The following TRPV3 variants were observed in gnomAD, a reference collection of about 807,000 sequenced individuals.
TRPV3 encodes transient receptor potential cation channel subfamily V member 3, also known as VRL-3.
Under a neutral mutation model 87.1 loss-of-function variants are expected in TRPV3, and 88 were observed. The ratio of observed to expected loss-of-function variants is 1.01; its 90% CI spans 0.85 to 1.21. The LOEUF (loss-of-function observed/expected upper bound fraction) is 1.21, where lower values mean the gene tolerates loss of function less well. Ranked by LOEUF, TRPV3 falls within the 50% of genes most tolerant of loss-of-function variation. The pLI is 0.00. For missense variants in TRPV3, 1,054 were observed against 1,030.1 expected, an observed-to-expected ratio of 1.02 and a Z score of -0.32; for synonymous variants, 438 against 423.3, an observed-to-expected ratio of 1.03 and a Z score of -0.43.
chr17:3,543,332 G>A (rs531337833), intron 5 of TRPV3, 142 bp downstream of exon 5: 9 of 1,082,180 alleles, frequency 8.3e-6, no homozygotes, highest in African/African-American at 1.6e-5. Context: ...CATTCTCCTC[G>A]GAGTCAAGTT....
At chr17:3,536,782 T>C (rs2074413003) in intron 6 of TRPV3, among the ~76,000 whole-genome samples, 1 of 151,930 alleles carries the variant, frequency 6.6e-6, no homozygotes, top group Admixed American at 6.6e-5. Flanking sequence ...GATACGCTGG[T>C]GACACAGCAA....
At chr17:3,537,966 A>C (rs1311184450) in intron 6 of TRPV3, among the ~76,000 whole-genome samples, 2 of 150,134 alleles carry the variant, frequency 1.3e-5, no homozygotes, top group African/African-American at 2.4e-5. Context: ...TGGGAGGCTG[A>C]GGCGGGCAGA....
intron 5 of TRPV3, 114 bp from the exon 6 acceptor site, chr17:3,542,812 C>G (rs1277626535): frequency 9.0e-7 from 1 of 1,110,978 alleles, no homozygotes; most frequent in Non-Finnish European, 1.3e-6. Flanking sequence ...CTCCACATCT[C>G]CACTCCCAGA....
At chr17:3,522,888 G>A (rs2074261063) in intron 13 of TRPV3, among the ~76,000 whole-genome samples, 4 of 151,084 alleles carry the variant, frequency 2.6e-5, no homozygotes, top group Admixed American at 1.3e-4. Flanking sequence ...ACAATAAACT[G>A]TATTGTATAG....
chr17:3,550,040 CG>C (rs1404622326), intron 2 of TRPV3, among the ~76,000 whole-genome samples: 2 of 142,558 alleles, frequency 1.4e-5, no homozygotes, highest in African/African-American at 5.3e-5. Flanking sequence ...GAATAGATGA[CG>C]GATGGGTGAA....
In TRPV3 at chr17:3,528,353, G is replaced by C. The variant is rs974828315; in HGVS notation, c.1402-227C>G. On this transcript the variant is annotated intron_variant, in intron 10 of 17. Transcript: ENST00000576742. This position sits in a 1 kb window ranked among gnomAD's most constrained non-coding sequence, Gnocchi z 4.2. ...TACAACGAAGAATATCATCCAATCC[G>C]TGCTAACAACCCTCACACTCCATTG... Among the ~76,000 whole-genome samples, 1 of 152,088 alleles carries C rather than the reference G, an allele frequency of 6.6e-6. No homozygotes were observed. The highest frequency in any genetic ancestry group is 1.5e-5 in the Non-Finnish European group (1 of 68,026).
In TRPV3 at chr17:3,530,195, CT is replaced by C. The variant is rs779840812; in HGVS notation, c.1073del (p.Lys358SerfsTer63). 6.2e-7 allele frequency: 1 copy of C among 1,611,566 alleles called. No homozygotes were observed. Among genetic ancestry groups the C allele is most frequent in the Non-Finnish European group, 8.5e-7 (1 of 1,178,500 alleles). ...CCTTGATCTCACGACTGAGGATGTA[CT>C]TCAGGATCTGGGACAGGAGGAGGAA... The part of the protein sequence containing the change: ...AAKMGKAEIL[K>X]YILSREIKEK... On this transcript the variant is annotated frameshift_variant, in exon 9 of 18. Transcript: ENST00000576742. LOFTEE classifies it high-confidence loss of function. This position sits in a 1 kb window ranked among gnomAD's most constrained non-coding sequence, Gnocchi z 4.0.
At chr17:3,534,070 G>C (rs971294013) in intron 7 of TRPV3, among the ~76,000 whole-genome samples, 1 of 152,100 alleles carries the variant, frequency 6.6e-6, no homozygotes, top group Non-Finnish European at 1.5e-5. Flanking sequence ...CCGGACACCA[G>C]GTCTTCAGCT....
chr17:3,526,758 C>T (rs2074303616), intron 12 of TRPV3, 96 bp downstream of exon 12: 1 of 968,714 alleles, frequency 1.0e-6, no homozygotes, highest in Non-Finnish European at 1.6e-6. Flanking sequence ...CACCGTGGCA[C>T]AGTAGGATAT....
chr17:3,541,882 T>C (rs2074465147), intron 6 of TRPV3, among the ~76,000 whole-genome samples: 2 of 152,268 alleles, frequency 1.3e-5, no homozygotes, highest in Non-Finnish European at 2.9e-5. Context: ...TTTATTTTCG[T>C]AATATTTTAA....
intron 12 of TRPV3, 122 bp from the exon 13 acceptor site, chr17:3,524,485 G>A: frequency 7.9e-7 from 1 of 1,268,562 alleles, no homozygotes; most frequent in South Asian, 1.5e-5. Flanking sequence ...GGATGCTGAA[G>A]AGACCAGAAT....
intron 7 of TRPV3, 30 bp from the exon 8 acceptor site, chr17:3,532,967 C>A (rs2074362879): frequency 1.2e-6 from 2 of 1,608,048 alleles, no homozygotes; most frequent in Non-Finnish European, 1.7e-6. Context: ...AAGCTTGGTT[C>A]TCTCATGGGC....
chr17:3,526,929 T>G lies in TRPV3; in HGVS notation c.1504-2A>C, dbSNP rs137957153. 19 of 1,609,820 alleles carry G rather than the reference T, an allele frequency of 1.2e-5. No individual in the cohort carries two copies. Among genetic ancestry groups the G allele is most frequent in the Non-Finnish European group, 1.6e-5 (19 of 1,178,176 alleles). On this transcript the variant is annotated splice_acceptor_variant, in intron 11 of 17. Transcript: ENST00000576742. LOFTEE classifies it high-confidence loss of function. ...TCTCAGCAGGAAGATGGCAATGCCC[T>G]AAGGCCAGGAAGGAAAGAAACAGTG...
intron 6 of TRPV3, among the ~76,000 whole-genome samples, chr17:3,537,696 G>C (rs1431497791): frequency 6.6e-6 from 1 of 151,898 alleles, no homozygotes; most frequent in Non-Finnish European, 1.5e-5. Context: ...TTGAGGTCAG[G>C]AGTTCGAGAC....
At position 3,514,669 on chromosome 17, in the gene TRPV3, G is replaced by C; in HGVS notation, c.2202C>G (p.Ile734Met). The C allele has an allele frequency of 6.2e-7, 1 of 1,612,370 alleles. No individual in the cohort carries two copies. The highest frequency in any genetic ancestry group is 8.5e-7 in the Non-Finnish European group (1 of 1,178,454). The change falls in exon 17 of 18, where the codon ATC (isoleucine) becomes ATG (methionine). Residue 734 changes from isoleucine to methionine, a missense_variant. Ile to Met is a conservative substitution (Grantham distance 10). Coordinates refer to ENST00000576742, the MANE Select transcript of TRPV3 (RefSeq NM_145068.4). ...TCCATTCAGTCCACTTCACCTCATT[G>C]ATCCTGCAAATGTGATAATCATTCT... ...AEDDFRLCLR[I>M]NEVKWTEWKT...
intron 2 of TRPV3, 57 bp downstream of exon 2, chr17:3,554,675 C>A: frequency 8.0e-7 from 1 of 1,243,512 alleles, no homozygotes; most frequent in Non-Finnish European, 1.2e-6. Context: ...GGGTGCCAGG[C>A]CCCCACTCGT....
chr17:3,554,984 C>A, intron 1 of TRPV3, 132 bp from the exon 2 acceptor site: 1 of 599,212 alleles, frequency 1.7e-6, no homozygotes, highest in South Asian at 2.1e-5. Context: ...TCCTCCCTTC[C>A]CAGTTCACCA....
At chr17:3,517,293 A>C (rs2074191447) in intron 15 of TRPV3, among the ~76,000 whole-genome samples, 1 of 151,690 alleles carries the variant, frequency 6.6e-6, no homozygotes, top group South Asian at 2.1e-4. Flanking sequence ...TAATTTTTCC[A>C]GTCTCTCTTG....
Position 3,545,287 on chromosome 17 carries a change from G to A in TRPV3, c.120-16C>T, listed in dbSNP as rs986535711. The A allele has an allele frequency of 1.3e-5, 20 of 1,598,440 alleles. No individual in the cohort carries two copies. Among genetic ancestry groups the A allele is most frequent in the Middle Eastern group, 1.7e-4 (1 of 6,056 alleles). ...GAAGTGTGCACTGAGGGAACACGGAGGAAGCCTGTTAGGGCCGAGCCAGGC... is the reference window on the plus strand; with the variant it reads ...GAAGTGTGCACTGAGGGAACACGGAAGAAGCCTGTTAGGGCCGAGCCAGGC... On this transcript the variant is annotated splice_polypyrimidine_tract_variant and intron_variant, in intron 2 of 17. Transcript: ENST00000576742.
Sources: gnomAD v4.1 joint callset for allele counts (sites outside exome capture counted in the v4.1 genomes callset) on GRCh38, gnomAD v4.1.1 for gene constraint, Gnocchi (gnomAD v3.1) non-coding constraint, MANE v1.5 for transcripts, NCBI Gene and HGNC (gene_info 2026-07-23, HGNC 2026-07-21) for gene names.